The following NR3C2 variants were observed in gnomAD, a reference collection of about 807,000 sequenced individuals.
The protein encoded by NR3C2 is nuclear receptor subfamily 3 group C member 2, also known as mineralocorticoid receptor.
Under a neutral mutation model 86.4 loss-of-function variants are expected in NR3C2, and 15 were observed. The ratio of observed to expected loss-of-function variants is 0.17; its 90% CI spans 0.12 to 0.27. The LOEUF is 0.27. Among genes scored for constraint, NR3C2 ranks in the 10% least tolerant of loss-of-function variants. The pLI, the probability that NR3C2 is intolerant of heterozygous loss-of-function variation, is 1.00. For missense variants in NR3C2, 960 were observed against 1,195.6 expected, an observed-to-expected ratio of 0.80 and a Z score of 2.91; for synonymous variants, 458 against 450.5, an observed-to-expected ratio of 1.02 and a Z score of -0.21.
chr4:148,379,368 A>G lies in NR3C2; in HGVS notation c.1757+55736T>C, dbSNP rs117557695. Among the ~76,000 whole-genome samples, 63 of 152,290 alleles carry G rather than the reference A, an allele frequency of 4.1e-4. No homozygotes were observed. In the East Asian group the frequency reaches 0.011, roughly 26 times the overall value. On this transcript the variant is annotated intron_variant, in intron 2 of 8. Coordinates refer to ENST00000358102, the MANE Select transcript of NR3C2 (RefSeq NM_000901.5). ...CTCCCCACTAGGATGAGAGGAAAGG[A>G]TTCAAACCATGATGTGCAAATGGTC...
At chr4:148,220,786 A>AC (rs1231150313) in intron 3 of NR3C2, among the ~76,000 whole-genome samples, 4 of 152,180 alleles carry the variant, frequency 2.6e-5, no homozygotes, top group Non-Finnish European at 5.9e-5. Context: ...ACAGAGTGAG[A>AC]CCCTATCTCT....
chr4:148,422,143 A>C (rs1002252745), intron 2 of NR3C2, among the ~76,000 whole-genome samples: 2 of 152,080 alleles, frequency 1.3e-5, no homozygotes, highest in Non-Finnish European at 2.9e-5. Flanking sequence ...AGGGGGAAAA[A>C]TGCTATTTTT....
intron 1 of NR3C2, among the ~76,000 whole-genome samples, chr4:148,441,081 A>T (rs1750315417): frequency 6.6e-6 from 1 of 152,220 alleles, no homozygotes; most frequent in African/African-American, 2.4e-5. Flanking sequence ...AAATGATAGA[A>T]ATCTGCCCAA....
chr4:148,384,884 A>T (rs1747184537), intron 2 of NR3C2, among the ~76,000 whole-genome samples: 1 of 152,212 alleles, frequency 6.6e-6, no homozygotes, highest in Non-Finnish European at 1.5e-5. Context: ...GAATAGTAAC[A>T]AAGGCTACAT....
intron 3 of NR3C2, among the ~76,000 whole-genome samples, chr4:148,217,333 G>A (rs187345075): frequency 9.9e-5 from 15 of 152,270 alleles, no homozygotes; most frequent in Admixed American, 4.6e-4. Context: ...TTCAGAATAC[G>A]AATACAGAAA....
intron 3 of NR3C2, among the ~76,000 whole-genome samples, chr4:148,204,050 C>T (rs566454024): frequency 5.3e-5 from 8 of 152,054 alleles, no homozygotes; most frequent in Middle Eastern, 3.2e-3. Context: ...GCACAAAATT[C>T]CCACATAAAC....
chr4:148,157,244 A>G (rs1372301474), intron 4 of NR3C2, among the ~76,000 whole-genome samples: 2 of 151,830 alleles, frequency 1.3e-5, no homozygotes, highest in African/African-American at 2.4e-5. Flanking sequence ...ATCATGGCAC[A>G]TGTATACATA....
chr4:148,441,899 G>A (rs1369280348), intron 1 of NR3C2, among the ~76,000 whole-genome samples: 1 of 152,238 alleles, frequency 6.6e-6, no homozygotes, highest in Non-Finnish European at 1.5e-5. Context: ...GGGAAGGGTG[G>A]TAGACCTCCC....
intron 8 of NR3C2, among the ~76,000 whole-genome samples, chr4:148,108,340 T>A (rs1378681812): frequency 6.6e-6 from 1 of 152,168 alleles, no homozygotes; most frequent in African/African-American, 2.4e-5. Flanking sequence ...TCACCTCAAG[T>A]GATCTGCCCA....
chr4:148,233,986 A>G (rs1738602061), intron 3 of NR3C2, among the ~76,000 whole-genome samples: 2 of 152,230 alleles, frequency 1.3e-5, no homozygotes, highest in South Asian at 4.1e-4. Flanking sequence ...TCAATCTGAA[A>G]TTAACAAATG....
At chr4:148,131,655 G>T (rs1449208858) in intron 6 of NR3C2, among the ~76,000 whole-genome samples, 1 of 152,160 alleles carries the variant, frequency 6.6e-6, no homozygotes, top group Non-Finnish European at 1.5e-5. Context: ...CAGCCATAAG[G>T]TCTAGAAATC....
intron 6 of NR3C2, among the ~76,000 whole-genome samples, chr4:148,134,633 CTCTCTCTCTCTTTT>C (rs1733194235): frequency 1.4e-5 from 1 of 69,862 alleles, no homozygotes; most frequent in African/African-American, 4.6e-5. Context: ...GATTCTCTCT[CTCTCTCTCTCTTTT>C]TTTTTTTTTT....
At chr4:148,315,096 T>C (rs1163146299) in intron 2 of NR3C2, among the ~76,000 whole-genome samples, 2 of 152,218 alleles carry the variant, frequency 1.3e-5, no homozygotes, top group African/African-American at 2.4e-5. Context: ...TTTTGCAGTA[T>C]GTCATGGGAC....
intron 4 of NR3C2, among the ~76,000 whole-genome samples, chr4:148,163,891 G>A (rs931325463): frequency 1.1e-4 from 16 of 152,138 alleles, no homozygotes; most frequent in African/African-American, 3.9e-4. Context: ...AGCATTAGAG[G>A]GAAGTGACTT....
At chr4:148,227,139 G>A (rs899989052) in intron 3 of NR3C2, among the ~76,000 whole-genome samples, 3 of 151,890 alleles carry the variant, frequency 2.0e-5, no homozygotes, top group Non-Finnish European at 4.4e-5. Context: ...TGTCCTTTTC[G>A]TGGTTCAGGG....
intron 2 of NR3C2, among the ~76,000 whole-genome samples, chr4:148,384,993 T>TC (rs1436544688): frequency 5.3e-5 from 8 of 152,166 alleles, no homozygotes; most frequent in Non-Finnish European, 7.4e-5. Flanking sequence ...TCCTAGATCT[T>TC]CCCATGTCCA....
At chr4:148,234,844 GGTAC>G (rs893315927) in intron 3 of NR3C2, among the ~76,000 whole-genome samples, 2 of 152,010 alleles carry the variant, frequency 1.3e-5, no homozygotes, top group African/African-American at 4.8e-5. Context: ...CAGGTTCAGG[GGTAC>G]ATATGCAGGT....
intron 2 of NR3C2, among the ~76,000 whole-genome samples, chr4:148,378,122 G>A (rs1022018636): frequency 6.6e-6 from 1 of 152,168 alleles, no homozygotes; most frequent in Non-Finnish European, 1.5e-5. Flanking sequence ...CAATGAGTAT[G>A]AACCAGGAAG....
intron 6 of NR3C2, among the ~76,000 whole-genome samples, chr4:148,133,255 A>G (rs1324467295): frequency 1.3e-5 from 2 of 151,942 alleles, no homozygotes; most frequent in Non-Finnish European, 2.9e-5. Context: ...CAAGCCTCGT[A>G]TTTGTAGGCT....
Sources: allele counts gnomAD v4.1 joint callset (sites outside exome capture counted in the v4.1 genomes callset), GRCh38; gene constraint gnomAD v4.1.1; transcripts MANE v1.5; gene names NCBI Gene and HGNC (gene_info 2026-07-23, HGNC 2026-07-21).